The following CORO2A variants were observed in gnomAD, a reference collection of about 807,000 sequenced individuals.
The protein encoded by CORO2A is coronin 2A, also known as coronin-2A.
In CORO2A, 47 loss-of-function variants were observed where a neutral mutation model predicts 62.4. The ratio of observed to expected loss-of-function variants is 0.75; its 90% CI spans 0.60 to 0.96. The LOEUF is 0.96. CORO2A is among the 40% of genes least tolerant of loss of function. CORO2A has a pLI of 0.00. For synonymous variants in CORO2A, 273 were observed against 268.9 expected, an observed-to-expected ratio of 1.02 and a Z score of -0.15; for missense variants, 610 against 684.1, an observed-to-expected ratio of 0.89 and a Z score of 1.21.
At chr9:98,153,273 G>C (rs1827752442) in intron 2 of CORO2A, among the ~76,000 whole-genome samples, 3 of 152,034 alleles carry the variant, frequency 2.0e-5, no homozygotes, top group African/African-American at 7.2e-5. Context: ...CTAATTTTTT[G>C]TGTTTTTAGT....
In CORO2A at chr9:98,121,252, A is replaced by G. The variant is rs886365467; in HGVS notation, c.*3522T>C. ...TAGCGTTAAGGTGGATACCTGCCAA[A>G]GCTCATCTCCTAGTGCTGTCCTCAT... On this transcript the variant is annotated 3_prime_UTR_variant, in exon 12 of 12. Transcript: ENST00000375077. 1 of 152,216 alleles carries G rather than the reference A, an allele frequency of 6.6e-6. No homozygotes were observed. The highest frequency in any genetic ancestry group is 2.4e-5 in the African/African-American group (1 of 41,468). The allele number at this position is 152,216 out of a possible 1,614,324, so 9.4% of individuals were successfully genotyped here.
intron 1 of CORO2A, among the ~76,000 whole-genome samples, chr9:98,159,207 T>A (rs557396893): frequency 3.5e-4 from 54 of 152,242 alleles, no homozygotes; most frequent in African/African-American, 1.2e-3. Context: ...TACAGGTACA[T>A]GCCACCATAC....
chr9:98,178,585 G>T (rs1828139091), intron 1 of CORO2A, among the ~76,000 whole-genome samples: 1 of 152,114 alleles, frequency 6.6e-6, no homozygotes, highest in South Asian at 2.1e-4. Flanking sequence ...GAGTAAGGGA[G>T]TCCTCATTAC....
intron 1 of CORO2A, among the ~76,000 whole-genome samples, chr9:98,174,229 A>G (rs577679161): frequency 5.9e-5 from 9 of 151,492 alleles, no homozygotes; most frequent in African/African-American, 2.2e-4. Flanking sequence ...CAAGCATTTG[A>G]GTAGCTTTCC....
At chr9:98,181,181 G>A (rs565391187) in intron 1 of CORO2A, among the ~76,000 whole-genome samples, 6 of 151,084 alleles carry the variant, frequency 4.0e-5, no homozygotes, top group East Asian at 2.4e-4. Flanking sequence ...GTCCCCCAGC[G>A]CGACTCCCTC....
At chr9:98,183,584 T>C (rs1423976159) in intron 1 of CORO2A, among the ~76,000 whole-genome samples, 1 of 152,202 alleles carries the variant, frequency 6.6e-6, no homozygotes, top group East Asian at 1.9e-4. Context: ...CATCTGTAGA[T>C]TCAACCAACC....
chr9:98,189,937 T>G (rs970055726), intron 1 of CORO2A, among the ~76,000 whole-genome samples: 1 of 151,840 alleles, frequency 6.6e-6, no homozygotes, highest in Non-Finnish European at 1.5e-5. Flanking sequence ...CAGGCTGGAG[T>G]GCAGTGGCAC....
intron 1 of CORO2A, among the ~76,000 whole-genome samples, chr9:98,181,666 C>G (rs1347037461): frequency 6.6e-6 from 1 of 152,148 alleles, no homozygotes; most frequent in Non-Finnish European, 1.5e-5. Flanking sequence ...TTTCCTCCAG[C>G]CGGAGGGCTT....
chr9:98,131,610 T>C (rs927149246), intron 6 of CORO2A, among the ~76,000 whole-genome samples: 1 of 152,152 alleles, frequency 6.6e-6, no homozygotes, highest in African/African-American at 2.4e-5. Context: ...TGTACCACCA[T>C]ACCTGGCCAT....
In CORO2A at chr9:98,127,817, CAAAAAAAAAAAAAA is replaced by C. The variant is rs11342322; in HGVS notation, c.1171+339_1171+352del. ...TGGGCAACAAAGCGAGACTCTGTCT[CAAAAAAAAAAAAAA>C]AAAAAAAAAAAAAAGAATTGCAGAG... On this transcript the variant is annotated intron_variant, in intron 10 of 11. Transcript: ENST00000375077. 4.7e-3 allele frequency among the ~76,000 whole-genome samples: 232 copies of C among 49,074 alleles called. 3 individuals are homozygous for C. Among genetic ancestry groups the C allele is most frequent in the African/African-American group, 0.018 (219 of 11,932 alleles). The allele number at this position is 49,074 out of a possible 152,430, so 32.2% of individuals were successfully genotyped here.
chr9:98,163,741 T>TGAGAGAGAGAGAGAGA (rs565063006), intron 1 of CORO2A, among the ~76,000 whole-genome samples: 17 of 139,542 alleles, frequency 1.2e-4, no homozygotes, highest in African/African-American at 4.5e-4. Flanking sequence ...TGTGTGTGTG[T>TGAGAGAGAGAGAGAGA]GAGAGAGAGA....
At chr9:98,142,459 C>A (rs963558150) in intron 2 of CORO2A, among the ~76,000 whole-genome samples, 13 of 152,096 alleles carry the variant, frequency 8.5e-5, no homozygotes, top group African/African-American at 2.7e-4. Context: ...TCTCTGGGAT[C>A]ATTTCCTGGG....
At chr9:98,188,558 A>T (rs892690275) in intron 1 of CORO2A, among the ~76,000 whole-genome samples, 1 of 152,148 alleles carries the variant, frequency 6.6e-6, no homozygotes, top group Non-Finnish European at 1.5e-5. Context: ...TGAGGTCAGG[A>T]GTTCGAGTCC....
intron 1 of CORO2A, among the ~76,000 whole-genome samples, chr9:98,178,316 G>A (rs1423944258): frequency 6.6e-6 from 1 of 152,158 alleles, no homozygotes; most frequent in Non-Finnish European, 1.5e-5. Context: ...CAAAGTACTG[G>A]GATTACAGGC....
intron 2 of CORO2A, among the ~76,000 whole-genome samples, chr9:98,150,426 C>T (rs1402253772): frequency 2.0e-5 from 3 of 151,940 alleles, no homozygotes; most frequent in Middle Eastern, 3.4e-3. Context: ...CATTCCCACT[C>T]AGGGGAATGT....
intron 3 of CORO2A, among the ~76,000 whole-genome samples, chr9:98,136,249 C>A (rs916082129): frequency 6.6e-6 from 1 of 152,210 alleles, no homozygotes; most frequent in Admixed American, 6.5e-5. Context: ...CTGCCAGAGG[C>A]CCTATACTCC....
chr9:98,128,634 C>T lies in CORO2A; in HGVS notation c.1053G>A (p.Glu351=), dbSNP rs571776662. ...GCCGGGGCACAATCATGGAGATGGG[C>T]TCGATGAGGCTTTTGGTTGTGATCA... The part of the protein sequence containing the change: ...YKLITTKSLI[E]PISMIVPRRS... The change falls in exon 9 of 12, where the codon GAG becomes GAA. Residue 351 remains glutamate (E), a synonymous_variant. Transcript: ENST00000375077. The T allele has an allele frequency of 8.1e-6, 13 of 1,614,216 alleles. No individual in the cohort carries two copies. In the East Asian group the frequency reaches 2.2e-4, roughly 28 times the overall value.
chr9:98,168,219 G>A (rs1186559180), intron 1 of CORO2A, among the ~76,000 whole-genome samples: 1 of 152,200 alleles, frequency 6.6e-6, no homozygotes, highest in Admixed American at 6.5e-5. Context: ...AACCATACAA[G>A]CAACACCCAA....
At chr9:98,169,896 A>G (rs1828010360) in intron 1 of CORO2A, among the ~76,000 whole-genome samples, 1 of 151,844 alleles carries the variant, frequency 6.6e-6, no homozygotes, top group Non-Finnish European at 1.5e-5. Context: ...GCTCCAACAG[A>G]ACCACCTCCA....
Sources: gnomAD v4.1 joint callset for allele counts (sites outside exome capture counted in the v4.1 genomes callset) on GRCh38, gnomAD v4.1.1 for gene constraint, MANE v1.5 for transcripts, NCBI Gene and HGNC (gene_info 2026-07-23, HGNC 2026-07-21) for gene names.